Variants in ATP8B1 observed in about 807,000 individuals in gnomAD.
ATP8B1 encodes the protein phospholipid-transporting ATPase IC.
ATP8B1 carries 80 observed loss-of-function variants against 149.9 expected under a neutral mutation model. The observed-to-expected ratio is 0.53, with a 90% CI of 0.45 to 0.64. The LOEUF (loss-of-function observed/expected upper bound fraction) is 0.64. Among genes scored for constraint, ATP8B1 ranks in the 30% least tolerant of loss-of-function variants. The pLI, the probability that ATP8B1 is intolerant of heterozygous loss-of-function variation, is 0.00. For synonymous variants in ATP8B1, 536 were observed against 562.8 expected (o/e 0.95, Z 0.67); for missense variants, 1,247 against 1,552.6 (o/e 0.80, Z 3.31).
In ATP8B1 at chr18:57,652,739, A is replaced by G; in HGVS notation, c.3016-10T>C. 2.5e-6 allele frequency: 4 copies of G among 1,614,138 alleles called. No homozygotes were observed. The highest frequency in any genetic ancestry group is 3.4e-6 in the Non-Finnish European group (4 of 1,179,958). On this transcript the variant is annotated splice_polypyrimidine_tract_variant and intron_variant, in intron 24 of 27. Transcript: ENST00000648908. ...GTTTGTCACTCACATCCTTAAGGAG[A>G]AAACAAAATGATGGTATTTTATTCA...
chr18:57,696,527 C>G (rs1270344670), intron 8 of ATP8B1, among the ~76,000 whole-genome samples: 1 of 130,080 alleles, frequency 7.7e-6, no homozygotes, highest in African/African-American at 3.0e-5. Context: ...GGTTAATTGG[C>G]TTTAAGTATT....
intron 1 of ATP8B1, among the ~76,000 whole-genome samples, chr18:57,732,856 G>C (rs988222186): frequency 7.4e-6 from 1 of 134,554 alleles, no homozygotes; most frequent in Non-Finnish European, 1.6e-5. Flanking sequence ...CGCCCGGCCG[G>C]AGTTGAATTT....
chr18:57,661,078 G>A, intron 22 of ATP8B1, 96 bp downstream of exon 22: 3 of 1,485,776 alleles, frequency 2.0e-6, no homozygotes, highest in South Asian at 1.2e-5. Context: ...AACCTAAGCT[G>A]TAAAATCTAA....
At position 57,667,176 on chromosome 18, in the gene ATP8B1, G is replaced by C. The variant is rs1910916827; in HGVS notation, c.2210-9C>G. On this transcript the variant is annotated splice_polypyrimidine_tract_variant and intron_variant, in intron 19 of 27. Coordinates refer to ENST00000648908, the MANE Select transcript of ATP8B1 (RefSeq NM_001374385.1). ...TATATTTTCAGCAGTTTCTACAATA[G>C]AATAAAATTAAGTCAAATGTCATTC... 6.3e-7 allele frequency: 1 copy of C among 1,599,204 alleles called. No homozygotes were observed. The highest frequency in any genetic ancestry group is 1.1e-5 in the South Asian group (1 of 90,794).
intron 1 of ATP8B1, among the ~76,000 whole-genome samples, chr18:57,753,714 G>T (rs1024735891): frequency 6.6e-6 from 1 of 151,816 alleles, no homozygotes; most frequent in African/African-American, 2.4e-5. Flanking sequence ...GATCACCTAA[G>T]GTCAGGAGTT....
chr18:57,778,652 C>A (rs2080332295), intron 1 of ATP8B1, among the ~76,000 whole-genome samples: 1 of 152,214 alleles, frequency 6.6e-6, no homozygotes. Flanking sequence ...TGATCCACCT[C>A]CAAGCTCACT....
chr18:57,798,484 C>G (rs1051925991), intron 1 of ATP8B1, among the ~76,000 whole-genome samples: 2 of 151,890 alleles, frequency 1.3e-5, no homozygotes, highest in Non-Finnish European at 1.5e-5. Flanking sequence ...TGGTCCCAGC[C>G]ACTTGAGAGC....
At chr18:57,750,238 A>T (rs939817773) in intron 1 of ATP8B1, among the ~76,000 whole-genome samples, 3 of 152,146 alleles carry the variant, frequency 2.0e-5, no homozygotes, top group Non-Finnish European at 2.9e-5. Context: ...GTGAGATTCC[A>T]TCTCAAAAAA....
intron 1 of ATP8B1, among the ~76,000 whole-genome samples, chr18:57,765,797 C>A (rs2080206244): frequency 6.6e-6 from 1 of 151,628 alleles, no homozygotes; most frequent in Non-Finnish European, 1.5e-5. Flanking sequence ...CATGGTGAAA[C>A]CCCGTCTTTA....
In ATP8B1 at chr18:57,649,222, A is replaced by ATCTATCTATCTATCTATCTATC. The variant is rs1568177126; in HGVS notation, c.3532-511_3532-510insGATAGATAGATAGATAGATAGA. ...TCTATCTATCTATCTATCTATCTAT[A>ATCTATCTATCTATCTATCTATC]TCGACATATATATATGATGATATAA... On this transcript the variant is annotated intron_variant, in intron 27 of 27. Transcript: ENST00000648908. Among the ~76,000 whole-genome samples, 6 of 32,910 alleles carry ATCTATCTATCTATCTATCTATC rather than the reference A, an allele frequency of 1.8e-4. No homozygotes were observed. The Admixed American group carries it at 1.9e-3, about 11-fold the overall frequency. 21.6% of individuals were successfully genotyped at this position (32,910 alleles called of 152,430 possible). A position where few individuals can be genotyped will look rare whatever the true frequency, so the allele number is the denominator to read the frequency against.
At chr18:57,792,030 A>G (rs1265150707) in intron 1 of ATP8B1, among the ~76,000 whole-genome samples, 1 of 152,196 alleles carries the variant, frequency 6.6e-6, no homozygotes, top group Non-Finnish European at 1.5e-5. Context: ...TCACTAGGCC[A>G]CCTGAAGGCC....
chr18:57,776,821 A>AC (rs1261663638), intron 1 of ATP8B1, among the ~76,000 whole-genome samples: 2 of 152,032 alleles, frequency 1.3e-5, no homozygotes, highest in East Asian at 1.9e-4. Flanking sequence ...TGTTATTTTC[A>AC]CCCCCCTTCC....
chr18:57,762,852 T>C (rs1473293898), intron 1 of ATP8B1, among the ~76,000 whole-genome samples: 1 of 152,194 alleles, frequency 6.6e-6, no homozygotes, highest in Admixed American at 6.5e-5. Flanking sequence ...TTCCCAAACG[T>C]AGTAATTCAA....
chr18:57,663,761 ATTTT>A (rs10598900), intron 20 of ATP8B1, among the ~76,000 whole-genome samples: 37 of 97,430 alleles, frequency 3.8e-4, no homozygotes, highest in Middle Eastern at 7.2e-3. Flanking sequence ...TGCTTTGCCC[ATTTT>A]TTTTTTTTTT....
intron 1 of ATP8B1, chr18:57,737,881 A>G (rs1252378567): frequency 1.3e-5 from 2 of 152,344 alleles, no homozygotes; most frequent in African/African-American, 4.8e-5. Flanking sequence ...TTGCACAACC[A>G]ACTCGCCACC....
intron 1 of ATP8B1, among the ~76,000 whole-genome samples, chr18:57,746,834 A>C (rs577956349): frequency 1.3e-5 from 2 of 152,216 alleles, no homozygotes; most frequent in East Asian, 3.9e-4. Context: ...AAAAACAAAA[A>C]TGGTAGCATG....
chr18:57,778,080 T>G (rs2080322627), intron 1 of ATP8B1, among the ~76,000 whole-genome samples: 1 of 152,224 alleles, frequency 6.6e-6, no homozygotes, highest in Non-Finnish European at 1.5e-5. Flanking sequence ...ATTTACCAGA[T>G]AGTGAGCTCC....
At chr18:57,756,571 T>C (rs1004492789) in intron 1 of ATP8B1, among the ~76,000 whole-genome samples, 6 of 152,006 alleles carry the variant, frequency 3.9e-5, no homozygotes, top group African/African-American at 1.4e-4. Flanking sequence ...AAAGTGAGAT[T>C]ACAGGCGTGA....
At chr18:57,681,925 A>G (rs1911998357) in intron 15 of ATP8B1, among the ~76,000 whole-genome samples, 1 of 151,924 alleles carries the variant, frequency 6.6e-6, no homozygotes, top group Non-Finnish European at 1.5e-5. Context: ...AGAAGCCAAC[A>G]TGTCTCTATT....
Sources: gnomAD v4.1 joint callset for allele counts (sites outside exome capture counted in the v4.1 genomes callset) on GRCh38, gnomAD v4.1.1 for gene constraint, MANE v1.5 for transcripts, NCBI Gene and HGNC (gene_info 2026-07-23, HGNC 2026-07-21) for gene names.